NOX5: variants seen among roughly 807,000 people sequenced by gnomAD.
The protein encoded by NOX5 is NADPH oxidase, EF-hand calcium binding domain 5.
Under a neutral mutation model 85.7 loss-of-function variants are expected in NOX5, and 76 were observed. The ratio of observed to expected loss-of-function variants is 0.89; its 90% CI spans 0.74 to 1.07. The LOEUF is 1.07. NOX5 is among the 50% of genes least tolerant of loss of function. The pLI is 0.00. For missense variants in NOX5, 973 were observed against 999.5 expected (o/e 0.97, Z 0.36); for synonymous variants, 405 against 401.4 (o/e 1.01, Z -0.11).
chr15:69,015,069 C>A (rs1276644157), intron 1 of NOX5, among the ~76,000 whole-genome samples: 2 of 152,208 alleles, frequency 1.3e-5, no homozygotes, highest in African/African-American at 4.8e-5. Flanking sequence ...TTCCAAACAG[C>A]ATCTCATTTG....
intron 6 of NOX5, 28 bp downstream of exon 6, chr15:69,035,535 G>T: frequency 6.2e-7 from 1 of 1,611,964 alleles, no homozygotes. Context: ...GGGTTGGGTC[G>T]GGGAGAAGCT....
intron 9 of NOX5, among the ~76,000 whole-genome samples, chr15:69,040,954 GATTACAGGCATAAGC>G (rs2050587393): frequency 2.0e-5 from 3 of 152,176 alleles, no homozygotes; most frequent in Admixed American, 2.0e-4. Flanking sequence ...AAAGTGCTGG[GATTACAGGCATAAGC>G]CACTGTGCCC....
chr15:69,033,372 T>TG, intron 5 of NOX5, 95 bp downstream of exon 5: 1 of 1,383,230 alleles, frequency 7.2e-7, no homozygotes, highest in South Asian at 1.3e-5. Context: ...ACACCTGGAA[T>TG]GCCAGGGCAG....
intron 3 of NOX5, chr15:69,028,950 A>G (rs1216491983): frequency 6.6e-6 from 1 of 152,156 alleles, no homozygotes; most frequent in Non-Finnish European, 1.5e-5. Context: ...ATGTAAAAAT[A>G]TATTGCTTTA....
intron 10 of NOX5, among the ~76,000 whole-genome samples, chr15:69,043,290 C>G (rs1345004729): frequency 3.3e-5 from 5 of 152,152 alleles, no homozygotes; most frequent in Admixed American, 3.3e-4. Context: ...CAATGTTATT[C>G]TCTTTTGAGC....
intron 10 of NOX5, among the ~76,000 whole-genome samples, chr15:69,046,471 C>A (rs796752851): frequency 3.9e-5 from 6 of 152,270 alleles, no homozygotes; most frequent in African/African-American, 1.4e-4. Flanking sequence ...CCAGTCACAC[C>A]CTGAAACTGA....
Position 69,037,230 on chromosome 15 carries a change from G to A in NOX5, c.1371+20G>A, listed in dbSNP as rs746840169. 7 of 1,604,996 alleles carry A rather than the reference G, an allele frequency of 4.4e-6. No individual in the cohort carries two copies. The African/African-American group carries it at 8.0e-5, about 18-fold the overall frequency. On this transcript the variant is annotated intron_variant, in intron 8 of 15. Coordinates refer to ENST00000388866, the MANE Select transcript of NOX5 (RefSeq NM_024505.4). Reference sequence around the variant, plus strand: ...TCCAAGGTACAAAGGTGGGGGATGGGGAGGTGCTTTTCCAACTCACCCCAA... The same window carrying A: ...TCCAAGGTACAAAGGTGGGGGATGGAGAGGTGCTTTTCCAACTCACCCCAA...
rs767133281 is a variant in NOX5 at position 69,028,230 on chromosome 15, C to T, written c.190C>T (p.Arg64Ter). 51 of 1,607,428 alleles carry T rather than the reference C, an allele frequency of 3.2e-5. No individual in the cohort carries two copies. The highest frequency in any genetic ancestry group is 1.5e-4 in the African/African-American group (11 of 74,726). ...TCGCCCACAGTCCTTCTTTGCAGAG[C>T]GATTCTTTGCCCTATTTGACTCCGA... ...LHVKESFFAERFFALFDSDRS... is the reference protein window; with the variant it reads ...LHVKESFFAE Residue 64 changes from arginine (R) to a stop codon, truncating the protein, a stop_gained, in exon 3 of 16, where the codon CGA (arginine) becomes TGA (stop). Transcript: ENST00000388866. LOFTEE classifies it high-confidence loss of function.
intron 4 of NOX5, 40 bp from the exon 5 acceptor site, chr15:69,033,003 C>T: frequency 6.6e-7 from 1 of 1,525,054 alleles, no homozygotes; most frequent in Middle Eastern, 2.4e-4. Flanking sequence ...TGGTCCCCGC[C>T]CCACCGCTCG....
At chr15:69,042,937 G>A in intron 10 of NOX5, 132 bp downstream of exon 10, 1 of 943,480 alleles carries the variant, frequency 1.1e-6, no homozygotes, top group Non-Finnish European at 1.6e-6. Context: ...AAGGGGGTTA[G>A]GCAACTGCTA....
intron 15 of NOX5, among the ~76,000 whole-genome samples, chr15:69,056,110 G>T (rs1029540541): frequency 6.6e-6 from 1 of 152,070 alleles, no homozygotes; most frequent in African/African-American, 2.4e-5. Context: ...GCAGAATTTG[G>T]GGTAGAAAAG....
At position 69,035,244 on chromosome 15, in the gene NOX5, T is replaced by C. The variant is rs533683661; in HGVS notation, c.856-110T>C. 494 of 1,226,014 alleles carry C rather than the reference T, an allele frequency of 4.0e-4. 6 individuals are homozygous for C. The African/African-American group carries it at 6.8e-3, about 17-fold the overall frequency. 75.9% of individuals were successfully genotyped at this position (1,226,014 alleles called of 1,614,324 possible). A position where few individuals can be genotyped will look rare whatever the true frequency, so the allele number is the denominator to read the frequency against. ...TGGGGGCAGGGGACTTTGGTGAGTG[T>C]CCTGTTCAGAAAGCACAGCTAGCTC... On this transcript the variant is annotated intron_variant, in intron 5 of 15. Transcript: ENST00000388866.
At chr15:69,031,446 A>T in intron 3 of NOX5, 72 bp from the exon 4 acceptor site, 8 of 1,513,848 alleles carry the variant, frequency 5.3e-6, no homozygotes, top group Admixed American at 1.8e-5. Context: ...TGCATGGTCT[A>T]TACCCCCAAG....
rs2050861898 is a variant in NOX5 at position 69,060,527 on chromosome 15, A to G, written c.*3831A>G. 6.6e-6 allele frequency: 1 copy of G among 152,260 alleles called. No individual in the cohort carries two copies. The highest frequency in any genetic ancestry group is 2.4e-5 in the African/African-American group (1 of 41,468). 9.4% of individuals were successfully genotyped at this position (152,260 alleles called of 1,614,324 possible). ...GCACTTGTCATTTCTAAAAGGATACATGAAAGTATATTTATCTGTGTGCTC... is the reference window on the plus strand; with the variant it reads ...GCACTTGTCATTTCTAAAAGGATACGTGAAAGTATATTTATCTGTGTGCTC... On this transcript the variant is annotated 3_prime_UTR_variant, in exon 16 of 16. Transcript: ENST00000388866.
intron 5 of NOX5, among the ~76,000 whole-genome samples, chr15:69,033,701 C>CTTTTTTTTTTTTTT (rs570603838): frequency 5.9e-5 from 7 of 119,274 alleles, no homozygotes; most frequent in South Asian, 2.8e-4. Context: ...TCTTTTTTTT[C>CTTTTTTTTTTTTTT]TTTTTTTTTT....
At chr15:69,053,118 A>C (rs1034014259) in intron 14 of NOX5, among the ~76,000 whole-genome samples, 1 of 152,216 alleles carries the variant, frequency 6.6e-6, no homozygotes, top group Non-Finnish European at 1.5e-5. Context: ...TTATACGTCA[A>C]GGTTTGCATT....
intron 1 of NOX5, among the ~76,000 whole-genome samples, chr15:69,019,070 G>A (rs1459585855): frequency 2.6e-5 from 4 of 152,056 alleles, no homozygotes; most frequent in Non-Finnish European, 4.4e-5. Context: ...ACTATGTTGC[G>A]CAGGCTGGTC....
At chr15:69,023,443 C>T in intron 1 of NOX5, 1 of 426,250 alleles carries the variant, frequency 2.3e-6, no homozygotes, top group Non-Finnish European at 4.6e-6. Context: ...TTATAGGTGC[C>T]ATTTACTTTG....
At chr15:69,047,032 C>T (rs2050682554) in intron 11 of NOX5, 166 bp downstream of exon 11, 7 of 676,376 alleles carry the variant, frequency 1.0e-5, no homozygotes, top group Admixed American at 1.0e-4. Flanking sequence ...ATCCCTCCCC[C>T]TGCTCTTTAT....
Sources: gnomAD v4.1 joint callset for allele counts (sites outside exome capture counted in the v4.1 genomes callset) on GRCh38, gnomAD v4.1.1 for gene constraint, MANE v1.5 for transcripts, NCBI Gene and HGNC (gene_info 2026-07-23, HGNC 2026-07-21) for gene names.